FOXO3B: variants seen among roughly 807,000 people sequenced by gnomAD.
FOXO3B encodes forkhead box protein O3B.
FOXO3B carries 15 observed loss-of-function variants against 21.9 expected under a neutral mutation model. The observed-to-expected ratio is 0.68, with a 90% CI of 0.46 to 1.05. FOXO3B has a LOEUF of 1.05. Ranked by LOEUF, FOXO3B falls within the 50% of genes least tolerant of loss-of-function variation. The probability of loss-of-function intolerance (pLI) is 0.00; values close to 1 mark genes in which losing one functional copy is unlikely to be tolerated. For missense variants in FOXO3B, 293 were observed against 435.5 expected (o/e 0.67, Z 2.91); for synonymous variants, 135 against 213.6 (o/e 0.63, Z 3.21).
intron 3 of FOXO3B, among the ~76,000 whole-genome samples, chr17:18,679,452 C>CTTCTTTT (rs1205551688): frequency 2.4e-5 from 3 of 127,356 alleles, no homozygotes; most frequent in Non-Finnish European, 3.3e-5. Flanking sequence ...TCCTCCTCAA[C>CTTCTTTT]TTTTTTTTTT....
In FOXO3B at chr17:18,667,668, C is replaced by G; in HGVS notation, c.*4641G>C. On this transcript the variant is annotated 3_prime_UTR_variant, in exon 4 of 4. Coordinates refer to ENST00000395675, the MANE Select transcript of FOXO3B (RefSeq NM_001368135.1). The stretch of plus-strand genomic sequence containing the variant: ...ATTTAATGGGGTACACTGAGCCTGG[C>G]AGCCAGTTCTCATGCCAGGACAGTG... 1 of 151,998 alleles carries G rather than the reference C, an allele frequency of 6.6e-6. No homozygotes were observed. Among genetic ancestry groups the G allele is most frequent in the Non-Finnish European group, 1.5e-5 (1 of 68,030 alleles). The allele number at this position is 151,998 out of a possible 1,614,324, so 9.4% of individuals were successfully genotyped here.
Position 18,670,091 on chromosome 17 carries a change from A to G in FOXO3B, c.*2218T>C, listed in dbSNP as rs1204303390. On this transcript the variant is annotated 3_prime_UTR_variant, in exon 4 of 4. Coordinates refer to ENST00000395675, the MANE Select transcript of FOXO3B (RefSeq NM_001368135.1). ...CACATTAGCTGAGGACACTGACAGG[A>G]GATCACAGGCCCTACTGATCTGGCA... 6.6e-6 allele frequency among the ~76,000 whole-genome samples: 1 copy of G among 152,106 alleles called. No individual in the cohort carries two copies. Among genetic ancestry groups the G allele is most frequent in the African/African-American group, 2.4e-5 (1 of 41,356 alleles).
chr17:18,670,588 C>T lies in FOXO3B; in HGVS notation c.*1721G>A, dbSNP rs2032344203. ...CACCACAGAATGGCCGAAGAGGGCTCACGGTGTGCTCTGAACGAGGGTGGG... is the reference window on the plus strand; with the variant it reads ...CACCACAGAATGGCCGAAGAGGGCTTACGGTGTGCTCTGAACGAGGGTGGG... On this transcript the variant is annotated 3_prime_UTR_variant, in exon 4 of 4. Transcript: ENST00000395675. 6.6e-6 allele frequency among the ~76,000 whole-genome samples: 1 copy of T among 152,230 alleles called. No homozygotes were observed. The highest frequency in any genetic ancestry group is 2.4e-5 in the African/African-American group (1 of 41,450).
rs2032362153 is a variant in FOXO3B at position 18,671,460 on chromosome 17, G to A, written c.*849C>T. 5 of 1,571,514 alleles carry A rather than the reference G, an allele frequency of 3.2e-6. No homozygotes were observed. The highest frequency in any genetic ancestry group is 1.7e-5 in the Admixed American group (1 of 59,702). ...GCTGGCCTGAGACATCAAGGGGTCC[G>A]ACTGTGTCATCATGACATCGCTGTG... On this transcript the variant is annotated 3_prime_UTR_variant, in exon 4 of 4. Transcript: ENST00000395675.
rs555633910 is a variant in FOXO3B, at chr17:18,678,706, A to G, written c.126+2035T>C. On this transcript the variant is annotated intron_variant, in intron 3 of 3. Coordinates refer to ENST00000395675, the MANE Select transcript of FOXO3B (RefSeq NM_001368135.1). ...TGTTAACAGTGTTGAATCTGATATC[A>G]AAGTATTGAAATATATATTCACGCT... Among the ~76,000 whole-genome samples the G allele has an allele frequency of 3.5e-3, 535 of 150,926 alleles. 1 individual carries two copies. The highest frequency in any genetic ancestry group is 0.013 in the African/African-American group (519 of 41,158).
intron 3 of FOXO3B, among the ~76,000 whole-genome samples, chr17:18,673,482 G>C (rs977375372): frequency 2.6e-5 from 4 of 152,104 alleles, no homozygotes; most frequent in African/African-American, 9.7e-5. Flanking sequence ...GTAACTATTG[G>C]TAGATATAAC....
In FOXO3B at chr17:18,668,695, C is replaced by G. The variant is rs2032311063; in HGVS notation, c.*3614G>C. The G allele has an allele frequency of 6.6e-6, 1 of 152,156 alleles. No homozygotes were observed. Among genetic ancestry groups the G allele is most frequent in the Non-Finnish European group, 1.5e-5 (1 of 68,036 alleles). 9.4% of individuals were successfully genotyped at this position (152,156 alleles called of 1,614,324 possible). On this transcript the variant is annotated 3_prime_UTR_variant, in exon 4 of 4. Coordinates refer to ENST00000395675, the MANE Select transcript of FOXO3B (RefSeq NM_001368135.1). ...CTCTAGAATTCTCCTATCCCCCCAC[C>G]CTTTTCCATCTCGCTCCCCACTCTA... is the stretch of plus-strand genomic sequence containing the variant.
chr17:18,674,258 C>G (rs1251140458), intron 3 of FOXO3B, among the ~76,000 whole-genome samples: 1 of 151,954 alleles, frequency 6.6e-6, no homozygotes, highest in Non-Finnish European at 1.5e-5. Flanking sequence ...TTGGCCAAAT[C>G]AGACCTTAGA....
chr17:18,672,741 G>A lies in FOXO3B; in HGVS notation c.441C>T (p.Asp147=). The change falls in exon 4 of 4, where the codon GAC becomes GAT. Residue 147 remains aspartate, a synonymous_variant. Coordinates refer to ENST00000395675, the MANE Select transcript of FOXO3B (RefSeq NM_001368135.1). The surrounding 1 kb of genome is among the most constrained non-coding windows in gnomAD (Gnocchi z 4.2). ...CCCCGCCGTCCTCGTCGTCTTCATC[G>A]TCCTCCTCCTCGGGGATCATGGAGT... ...AADSMIPEEE[D]DEDDEDGGGR... 4 of 1,532,314 alleles carry A rather than the reference G, an allele frequency of 2.6e-6. No individual in the cohort carries two copies. The highest frequency in any genetic ancestry group is 2.6e-6 in the Non-Finnish European group (3 of 1,137,946). The allele number at this position is 1,532,314 out of a possible 1,614,324, so 94.9% of individuals were successfully genotyped here. A position where few individuals can be genotyped will look rare whatever the true frequency, so the allele number is the denominator to read the frequency against.
chr17:18,680,423 G>T (rs981948587), intron 3 of FOXO3B, among the ~76,000 whole-genome samples: 4 of 151,928 alleles, frequency 2.6e-5, no homozygotes, highest in African/African-American at 9.7e-5. Flanking sequence ...GTTTTAAGAG[G>T]TATGTGCCAC....
At chr17:18,675,894 A>T (rs1361950092) in intron 3 of FOXO3B, among the ~76,000 whole-genome samples, 3 of 151,522 alleles carry the variant, frequency 2.0e-5, no homozygotes, top group African/African-American at 7.3e-5. Context: ...GACAATTCAC[A>T]AAAAGCAATA....
Position 18,671,483 on chromosome 17 carries a change from G to A in FOXO3B, c.*826C>T. On this transcript the variant is annotated 3_prime_UTR_variant, in exon 4 of 4. Transcript: ENST00000395675. ...CCGACTGTGTCATCATGACATCGCTGTGGCTAAGTGAGTCCGAAGTGAGCA... is the reference window on the plus strand; with the variant it reads ...CCGACTGTGTCATCATGACATCGCTATGGCTAAGTGAGTCCGAAGTGAGCA... 6.3e-7 allele frequency: 1 copy of A among 1,583,042 alleles called. No individual in the cohort carries two copies. The highest frequency in any genetic ancestry group is 1.4e-5 in the African/African-American group (1 of 73,314).
intron 3 of FOXO3B, among the ~76,000 whole-genome samples, chr17:18,680,028 A>G (rs188395398): frequency 7.2e-5 from 11 of 152,064 alleles, no homozygotes; most frequent in African/African-American, 2.7e-4. Flanking sequence ...TTTAGTAGAG[A>G]CGAGGTTTCA....
rs570779157 is a variant in FOXO3B, at chr17:18,671,595, C to T, written c.*714G>A. 6 of 1,613,430 alleles carry T rather than the reference C, an allele frequency of 3.7e-6. No individual in the cohort carries two copies. The East Asian group carries it at 6.7e-5, about 18-fold the overall frequency. On this transcript the variant is annotated 3_prime_UTR_variant, in exon 4 of 4. Coordinates refer to ENST00000395675, the MANE Select transcript of FOXO3B (RefSeq NM_001368135.1). ...TTGGATGGTCTGCATGGGAGACTGG[C>T]GTAGGGAGTTCAGAGATGAAGGTCC...
At position 18,671,645 on chromosome 17, in the gene FOXO3B, G is replaced by A. The variant is rs1258153053; in HGVS notation, c.*664C>T. ...CAAACACCGTGCTGTTAAAGGAGCTGGTTGGGGAGCTCAGGCCCGAGCCCT... is the reference window on the plus strand; with the variant it reads ...CAAACACCGTGCTGTTAAAGGAGCTAGTTGGGGAGCTCAGGCCCGAGCCCT... On this transcript the variant is annotated 3_prime_UTR_variant, in exon 4 of 4. Transcript: ENST00000395675. 1.5e-5 allele frequency: 24 copies of A among 1,613,858 alleles called. No individual in the cohort carries two copies. The East Asian group carries it at 5.3e-4, about 36-fold the overall frequency.
chr17:18,674,682 C>T lies in FOXO3B; in HGVS notation c.127-1627G>A, dbSNP rs186955262. 6.0e-3 allele frequency among the ~76,000 whole-genome samples: 903 copies of T among 150,188 alleles called. 3 individuals carry two copies. Among genetic ancestry groups the T allele is most frequent in the Non-Finnish European group, 0.011 (712 of 67,704 alleles). ...AGACAAATGCAAATTTAGGGTTTCT[C>T]TCTTGAAAAAAACTGGAAGTGTACT... On this transcript the variant is annotated intron_variant, in intron 3 of 3. Transcript: ENST00000395675.
In FOXO3B at chr17:18,672,011, A is replaced by G. The variant is rs1296997895; in HGVS notation, c.*298T>C. 6.2e-6 allele frequency: 10 copies of G among 1,611,888 alleles called. No homozygotes were observed. The East Asian group carries it at 2.2e-4, about 36-fold the overall frequency. ...TTGGTGCGTGAACGGAAGTCCGTCC[A>G]CGCATCCAGCTCATCACTGCTGCGT... On this transcript the variant is annotated 3_prime_UTR_variant, in exon 4 of 4. Coordinates refer to ENST00000395675, the MANE Select transcript of FOXO3B (RefSeq NM_001368135.1). This position sits in a 1 kb window ranked among gnomAD's most constrained non-coding sequence, Gnocchi z 4.2.
In FOXO3B at chr17:18,669,739, C is replaced by T. The variant is rs1365891807; in HGVS notation, c.*2570G>A. On this transcript the variant is annotated 3_prime_UTR_variant, in exon 4 of 4. Transcript: ENST00000395675. ...AAAAAATCAGTTTATATGCTATTGC[C>T]TCTCACTCATACACTTCTAGCAGAT... is the stretch of plus-strand genomic sequence containing the variant. Among the ~76,000 whole-genome samples the T allele has an allele frequency of 6.6e-6, 1 of 152,186 alleles. No homozygotes were observed. The highest frequency in any genetic ancestry group is 1.5e-5 in the Non-Finnish European group (1 of 68,022).
At chr17:18,676,024 G>A (rs141515490) in intron 3 of FOXO3B, among the ~76,000 whole-genome samples, 276 of 152,266 alleles carry the variant, frequency 1.8e-3, no homozygotes, top group African/African-American at 6.2e-3. Context: ...TGCTACTTCT[G>A]TCATAGATTA....
Sources: gnomAD v4.1 joint callset for allele counts (sites outside exome capture counted in the v4.1 genomes callset) on GRCh38, gnomAD v4.1.1 for gene constraint, Gnocchi (gnomAD v3.1) non-coding constraint, MANE v1.5 for transcripts, NCBI Gene and HGNC (gene_info 2026-07-23, HGNC 2026-07-21) for gene names.